CEP78: variants seen among roughly 807,000 people sequenced by gnomAD.
CEP78 encodes the protein centrosomal protein 78.
A neutral mutation model predicts 81.2 loss-of-function variants in CEP78; 76 were observed. The ratio of observed to expected loss-of-function variants is 0.94; its 90% CI spans 0.78 to 1.13. The LOEUF is 1.13. Ranked by LOEUF, CEP78 falls within the 50% of genes most tolerant of loss-of-function variation. CEP78 has a pLI of 0.00. For synonymous variants in CEP78, 293 were observed against 301.4 expected (o/e 0.97, Z 0.29); for missense variants, 918 against 846.8 (o/e 1.08, Z -1.04).
chr9:78,239,930 A>T (rs924839381), intron 1 of CEP78, 93 bp from the exon 2 acceptor site: 21 of 1,077,634 alleles, frequency 1.9e-5, no homozygotes, highest in Non-Finnish European at 2.5e-5. Flanking sequence ...TTTAAAGGAC[A>T]TGGCTCATTT....
chr9:78,261,648 G>A (rs1437687342), intron 11 of CEP78, among the ~76,000 whole-genome samples: 1 of 152,138 alleles, frequency 6.6e-6, no homozygotes, highest in Non-Finnish European at 1.5e-5. Context: ...GTGCTTTGAT[G>A]TGATTTTTAG....
intron 11 of CEP78, among the ~76,000 whole-genome samples, chr9:78,257,162 T>G (rs1293862659): frequency 3.3e-5 from 5 of 150,902 alleles, no homozygotes; most frequent in Non-Finnish European, 5.9e-5. Flanking sequence ...GTAGACAGTC[T>G]TCACTGTAAA....
chr9:78,236,544 A>T lies in CEP78; in HGVS notation c.194A>T (p.Asn65Ile), dbSNP rs754874101. 6.3e-7 allele frequency: 1 copy of T among 1,599,850 alleles called. No homozygotes were observed. The highest frequency in any genetic ancestry group is 1.1e-5 in the South Asian group (1 of 89,156). ...WAPLLSTLKI[N>I]KDLPLVSIKS... ...CCTCTGCTGAGCACCCTCAAGATCA[A>T]TAAAGACCTGCCCTTGGTCTCCATC... The change falls in exon 1 of 17, where the codon AAT becomes ATT. Residue 65 changes from asparagine (N) to isoleucine (I), a missense_variant. Asn to Ile is a moderately radical substitution (Grantham distance 149). Transcript: ENST00000643273.
rs916383634 is a variant in CEP78 at position 78,241,171 on chromosome 9, G to A, written c.500-525G>A. 2.0e-4 allele frequency among the ~76,000 whole-genome samples: 30 copies of A among 152,048 alleles called. 1 individual carries two copies. Among genetic ancestry groups the A allele is most frequent in the Non-Finnish European group, 2.5e-4 (17 of 68,002 alleles). On this transcript the variant is annotated intron_variant, in intron 3 of 16. Transcript: ENST00000643273. Reference sequence around the variant, plus strand: ...GTTGGGATCCTGAAGTCTTGTGTTCGTTGTGTGAAATAGTGGTCTGGAGGG... The same window carrying A: ...GTTGGGATCCTGAAGTCTTGTGTTCATTGTGTGAAATAGTGGTCTGGAGGG...
chr9:78,270,239 C>G (rs1168961236), intron 16 of CEP78, among the ~76,000 whole-genome samples: 1 of 152,108 alleles, frequency 6.6e-6, no homozygotes, highest in Non-Finnish European at 1.5e-5. Context: ...GACCTACACA[C>G]AATCACATAA....
At position 78,251,926 on chromosome 9, in the gene CEP78, C is replaced by G; in HGVS notation, c.1088C>G (p.Pro363Arg). The G allele has an allele frequency of 2.5e-6, 4 of 1,607,536 alleles. No homozygotes were observed. Among genetic ancestry groups the G allele is most frequent in the Non-Finnish European group, 3.4e-6 (4 of 1,175,574 alleles). The change falls in exon 9 of 17, where the codon CCT becomes CGT. Residue 363 changes from proline to arginine, a missense_variant. Transcript: ENST00000643273. ...TIRIGLATKK[P>R]VSSGRKHSLG... Reference sequence around the variant, plus strand: ...CAAGTAGGATTGGCTACAAAGAAACCTGTAAGTAGTGGCAGAAAACACTCC... The same window carrying G: ...CAAGTAGGATTGGCTACAAAGAAACGTGTAAGTAGTGGCAGAAAACACTCC...
chr9:78,268,598 C>T (rs1827620359), intron 16 of CEP78, among the ~76,000 whole-genome samples: 1 of 152,064 alleles, frequency 6.6e-6, no homozygotes, highest in Admixed American at 6.5e-5. Flanking sequence ...GACTTATCCT[C>T]CCAATTCCTC....
At chr9:78,236,662 G>T in intron 1 of CEP78, 59 bp downstream of exon 1, 2 of 1,505,488 alleles carry the variant, frequency 1.3e-6, no homozygotes, top group South Asian at 1.4e-5. Flanking sequence ...GTTTTTAGGT[G>T]AGTGGTGTCC....
intron 9 of CEP78, 57 bp downstream of exon 9, chr9:78,252,100 T>C: frequency 6.9e-7 from 1 of 1,442,864 alleles, no homozygotes; most frequent in Non-Finnish European, 9.4e-7. Context: ...AAATTCTTTA[T>C]TTTGGAGCTT....
At chr9:78,248,622 A>G (rs1826610548) in intron 7 of CEP78, 140 bp from the exon 8 acceptor site, 1 of 626,656 alleles carries the variant, frequency 1.6e-6, no homozygotes, top group Non-Finnish European at 2.8e-6. Flanking sequence ...TAAATACCGT[A>G]TGATTCTTTA....
At chr9:78,246,339 C>T (rs910120411) in intron 5 of CEP78, among the ~76,000 whole-genome samples, 2 of 152,142 alleles carry the variant, frequency 1.3e-5, no homozygotes, top group African/African-American at 2.4e-5. Context: ...GTGGCTCACG[C>T]CTGTAATCCC....
rs137878129 is a variant in CEP78, at chr9:78,242,967, C to T, written c.604-495C>T. 1.1e-4 allele frequency among the ~76,000 whole-genome samples: 16 copies of T among 151,928 alleles called. No individual in the cohort carries two copies. In the East Asian group the frequency reaches 2.5e-3, roughly 24 times the overall value. ...ATATTTTTGTATCATTTAAAAAATA[C>T]CTATTGTTTCTGTTTGATTTGTAAT... On this transcript the variant is annotated intron_variant, in intron 4 of 16. Coordinates refer to ENST00000643273, the MANE Select transcript of CEP78 (RefSeq NM_001330691.3).
chr9:78,242,222 G>A (rs1022207630), intron 4 of CEP78, among the ~76,000 whole-genome samples: 3 of 151,928 alleles, frequency 2.0e-5, no homozygotes, highest in African/African-American at 7.3e-5. Flanking sequence ...TGTAAATAAA[G>A]TTTTGAAACA....
chr9:78,265,134 A>G (rs951325039), intron 13 of CEP78, among the ~76,000 whole-genome samples: 1 of 152,206 alleles, frequency 6.6e-6, no homozygotes, highest in Non-Finnish European at 1.5e-5. Flanking sequence ...GAGGTATCTA[A>G]TACATTGTTG....
intron 1 of CEP78, among the ~76,000 whole-genome samples, chr9:78,239,759 C>G (rs901633511): frequency 2.0e-4 from 30 of 152,212 alleles, no homozygotes; most frequent in Non-Finnish European, 4.4e-5. Context: ...ATCACCCACT[C>G]TCACCCCATG....
chr9:78,276,745 A>G lies in CEP78; in HGVS notation c.*5894A>G, dbSNP rs1392643070. 6.6e-6 allele frequency: 1 copy of G among 152,250 alleles called. No homozygotes were observed. Among genetic ancestry groups the G allele is most frequent in the Non-Finnish European group, 1.5e-5 (1 of 68,038 alleles). The allele number at this position is 152,250 out of a possible 1,614,324, so 9.4% of individuals were successfully genotyped here. On this transcript the variant is annotated 3_prime_UTR_variant, in exon 17 of 17. Transcript: ENST00000643273. Reference sequence around the variant, plus strand: ...ATGTAAGGCCTATATAAATAAAAGGATAAATCTATGCTAGAGGGTATAAAA... The same window carrying G: ...ATGTAAGGCCTATATAAATAAAAGGGTAAATCTATGCTAGAGGGTATAAAA...
intron 8 of CEP78, among the ~76,000 whole-genome samples, chr9:78,251,237 T>C (rs781141545): frequency 2.0e-5 from 3 of 152,200 alleles, no homozygotes; most frequent in Non-Finnish European, 4.4e-5. Context: ...TTGTTTTCTT[T>C]GTGTTCTGTA....
chr9:78,262,583 G>A (rs1827323290), intron 11 of CEP78, among the ~76,000 whole-genome samples: 1 of 152,060 alleles, frequency 6.6e-6, no homozygotes. Flanking sequence ...TATTATAAGG[G>A]ATCCACAAAT....
At chr9:78,267,063 T>G in intron 16 of CEP78, 1 of 1,118,884 alleles carries the variant, frequency 8.9e-7, no homozygotes, top group South Asian at 1.4e-5. Flanking sequence ...TTTCTTATGT[T>G]TTTATTATGG....
Sources: allele counts gnomAD v4.1 joint callset (sites outside exome capture counted in the v4.1 genomes callset), GRCh38; gene constraint gnomAD v4.1.1; transcripts MANE v1.5; gene names NCBI Gene and HGNC (gene_info 2026-07-23, HGNC 2026-07-21).